CSMD1: variants seen among roughly 807,000 people sequenced by gnomAD.
CSMD1 encodes the protein CUB and sushi domain-containing protein 1.
Under a neutral mutation model 417.5 loss-of-function variants are expected in CSMD1, and 213 were observed. The observed-to-expected ratio is 0.51, with a 90% confidence interval of 0.46 to 0.57. The LOEUF (loss-of-function observed/expected upper bound fraction) is 0.57, where lower values mean the gene tolerates loss of function less well. Ranked by LOEUF, CSMD1 falls within the 20% of genes least tolerant of loss-of-function variation. The probability of loss-of-function intolerance (pLI) is 0.00; values close to 1 mark genes in which losing one functional copy is unlikely to be tolerated. For synonymous variants in CSMD1, 2,862 were observed against 1,736.8 expected, an observed-to-expected ratio of 1.65 and a Z score of -16.11; for missense variants, 6,923 against 4,529.7, an observed-to-expected ratio of 1.53 and a Z score of -15.17.
intron 2 of CSMD1, among the ~76,000 whole-genome samples, chr8:4,456,117 G>C (rs1299301290): frequency 2.0e-5 from 3 of 147,264 alleles, no homozygotes; most frequent in Non-Finnish European, 4.5e-5. Context: ...AAAATAAGAA[G>C]GACATTATGC....
chr8:4,468,701 T>G (rs914625280), intron 2 of CSMD1, among the ~76,000 whole-genome samples: 2 of 152,196 alleles, frequency 1.3e-5, no homozygotes, highest in Non-Finnish European at 2.9e-5. Flanking sequence ...CAAGAGTGTT[T>G]AGCATAATTC....
intron 7 of CSMD1, among the ~76,000 whole-genome samples, chr8:3,639,176 G>C (rs1299685495): frequency 6.6e-6 from 1 of 152,186 alleles, no homozygotes; most frequent in South Asian, 2.1e-4. Flanking sequence ...CAATTCAAGA[G>C]GACAGAGTAA....
intron 1 of CSMD1, among the ~76,000 whole-genome samples, chr8:4,859,017 A>G (rs1472322633): frequency 6.6e-6 from 1 of 151,264 alleles, no homozygotes; most frequent in Non-Finnish European, 1.5e-5. Flanking sequence ...TTCAAACTAT[A>G]CTACAAGGCT....
At chr8:3,602,816 C>T (rs1275356138) in intron 8 of CSMD1, among the ~76,000 whole-genome samples, 1 of 151,974 alleles carries the variant, frequency 6.6e-6, no homozygotes, top group East Asian at 1.9e-4. Context: ...GATGGCATAT[C>T]TGATGATCAT....
At chr8:4,775,792 T>C (rs7835351) in intron 1 of CSMD1, among the ~76,000 whole-genome samples, 136,865 of 152,158 alleles carry the variant, frequency 0.9, 62,404 homozygotes, top group East Asian at 0.97. Context: ...GCACTGGGGA[T>C]GGGTCCTCTT....
intron 2 of CSMD1, among the ~76,000 whole-genome samples, chr8:4,606,287 T>A (rs1800864071): frequency 6.6e-6 from 1 of 152,022 alleles, no homozygotes; most frequent in Non-Finnish European, 1.5e-5. Context: ...CAAGGGACTG[T>A]GACTTAGAGT....
chr8:3,381,794 T>C (rs894742937), intron 18 of CSMD1, among the ~76,000 whole-genome samples: 1 of 152,202 alleles, frequency 6.6e-6, no homozygotes, highest in African/African-American at 2.4e-5. Context: ...GCTCCCACGC[T>C]ACAGCCTAGT....
chr8:4,353,744 G>T (rs895929003), intron 3 of CSMD1, among the ~76,000 whole-genome samples: 2 of 140,276 alleles, frequency 1.4e-5, no homozygotes, highest in African/African-American at 2.7e-5. Context: ...GGTTCATGGA[G>T]ATTTCTTTTT....
At chr8:4,805,868 A>G (rs1395475408) in intron 1 of CSMD1, among the ~76,000 whole-genome samples, 1 of 152,164 alleles carries the variant, frequency 6.6e-6, no homozygotes, top group Non-Finnish European at 1.5e-5. Context: ...CAGATATGCT[A>G]AATTATTGTG....
At chr8:4,972,974 C>T (rs566461764) in intron 1 of CSMD1, among the ~76,000 whole-genome samples, 35 of 152,186 alleles carry the variant, frequency 2.3e-4, no homozygotes, top group Non-Finnish European at 4.4e-4. Flanking sequence ...AATTAAAAAT[C>T]ACTTGGACTT....
intron 3 of CSMD1, among the ~76,000 whole-genome samples, chr8:4,386,741 T>C (rs11785795): frequency 0.71 from 108,383 of 152,154 alleles, 39,104 homozygotes; most frequent in African/African-American, 0.76. Context: ...GAAGTGCTAA[T>C]GATGACTTTA....
chr8:3,012,946 T>G (rs1394783819), intron 52 of CSMD1, among the ~76,000 whole-genome samples: 1 of 152,128 alleles, frequency 6.6e-6, no homozygotes, highest in African/African-American at 2.4e-5. Context: ...TCTCACAAGA[T>G]CCAATGGTCT....
intron 19 of CSMD1, among the ~76,000 whole-genome samples, chr8:3,368,282 T>G (rs28493569): frequency 0.22 from 33,063 of 152,122 alleles, 3,648 homozygotes; most frequent in Middle Eastern, 0.25. Flanking sequence ...TTCAAATCTA[T>G]GTGAAAAGAC....
At chr8:4,301,629 C>T (rs1190920459) in intron 3 of CSMD1, among the ~76,000 whole-genome samples, 1 of 152,206 alleles carries the variant, frequency 6.6e-6, no homozygotes, top group African/African-American at 2.4e-5. Flanking sequence ...ATGTCTGTGG[C>T]ACTGGCTGTT....
At chr8:3,416,887 C>T (rs1173087773) in intron 12 of CSMD1, among the ~76,000 whole-genome samples, 2 of 152,188 alleles carry the variant, frequency 1.3e-5, no homozygotes, top group Admixed American at 1.3e-4. Context: ...TATGAAAGTT[C>T]TTTGTATAAA....
Position 2,951,224 on chromosome 8 carries a change from T to C in CSMD1, c.10091A>G (p.Tyr3364Cys). The C allele has an allele frequency of 6.2e-7, 1 of 1,608,888 alleles. No homozygotes were observed. The highest frequency in any genetic ancestry group is 8.5e-7 in the Non-Finnish European group (1 of 1,177,382). Reference protein sequence around the residue: ...VNSLWKGYYEYLGKRQPATLT... With the variant: ...VNSLWKGYYECLGKRQPATLT... ...AGTGGCGGGTTGTCTTTTCCCTAAA[T>C]ATTCATAATACCCCTTCCACAGTGA... Residue 3364 changes from tyrosine to cysteine, a missense_variant, in exon 66 of 70, where the codon TAT becomes TGT. By Grantham distance (194) the Tyr-to-Cys change is radical. Transcript: ENST00000635120.
intron 6 of CSMD1, among the ~76,000 whole-genome samples, chr8:3,743,602 G>T (rs927611556): frequency 1.3e-5 from 2 of 152,076 alleles, no homozygotes; most frequent in Admixed American, 1.3e-4. Context: ...AGTCAAGCTG[G>T]GAACTAGGTC....
intron 5 of CSMD1, among the ~76,000 whole-genome samples, chr8:3,796,624 A>G (rs942328102): frequency 1.7e-4 from 25 of 148,776 alleles, no homozygotes; most frequent in Middle Eastern, 7.5e-3. Context: ...GTATAGATAT[A>G]TATCTTCTAA....
At chr8:3,314,581 T>A (rs1186744019) in intron 23 of CSMD1, among the ~76,000 whole-genome samples, 1 of 152,236 alleles carries the variant, frequency 6.6e-6, no homozygotes, top group East Asian at 1.9e-4. Context: ...TTAGTAATTC[T>A]ATTTCTTTGT....
Sources: gnomAD v4.1 joint callset for allele counts (sites outside exome capture counted in the v4.1 genomes callset) on GRCh38, gnomAD v4.1.1 for gene constraint, MANE v1.5 for transcripts, NCBI Gene and HGNC (gene_info 2026-07-23, HGNC 2026-07-21) for gene names.